Variants in GPC5 observed in about 807,000 individuals in gnomAD.
The protein encoded by GPC5 is glypican-5.
In GPC5, 47 loss-of-function variants were observed where a neutral mutation model predicts 53.9. That is an observed-to-expected ratio of 0.87 (90% CI 0.69 to 1.11). The LOEUF (loss-of-function observed/expected upper bound fraction) is 1.11, where lower values mean the gene tolerates loss of function less well. Among genes scored for constraint, GPC5 ranks in the 50% most tolerant of loss-of-function variants. GPC5 has a pLI of 0.00. For missense variants in GPC5, 748 were observed against 713.1 expected (o/e 1.05, Z -0.56); for synonymous variants, 286 against 263.3 (o/e 1.09, Z -0.84).
chr13:91,749,871 C>A (rs2037132495), intron 4 of GPC5, among the ~76,000 whole-genome samples: 1 of 152,224 alleles, frequency 6.6e-6, no homozygotes, highest in African/African-American at 2.4e-5. Flanking sequence ...AGTGCAGTGG[C>A]ACAGTCTCAG....
In GPC5 at chr13:91,763,109, C is replaced by T. The variant is rs188282987; in HGVS notation, c.1280+6689C>T. Reference sequence around the variant, plus strand: ...TCTGAGGGAATGACATTTTTATAAGCATTAGTGAGAACTAAGAGATTTAGG... The same window carrying T: ...TCTGAGGGAATGACATTTTTATAAGTATTAGTGAGAACTAAGAGATTTAGG... On this transcript the variant is annotated intron_variant, in intron 5 of 7. Transcript: ENST00000377067. Among the ~76,000 whole-genome samples, 504 of 152,196 alleles carry T rather than the reference C, an allele frequency of 3.3e-3. 2 individuals are homozygous for T. The highest frequency in any genetic ancestry group is 0.012 in the African/African-American group (478 of 41,540).
rs115375281 is a variant in GPC5, at chr13:92,310,686, T to A, written c.1561+165697T>A. On this transcript the variant is annotated intron_variant, in intron 7 of 7. Coordinates refer to ENST00000377067, the MANE Select transcript of GPC5 (RefSeq NM_004466.6). Reference sequence around the variant, plus strand: ...CCAATTGTTTAATAAAGTTTTTATTTTCTCTCATTTTCTATTTTAAAACTT... The same window carrying A: ...CCAATTGTTTAATAAAGTTTTTATTATCTCTCATTTTCTATTTTAAAACTT... 3.6e-3 allele frequency among the ~76,000 whole-genome samples: 549 copies of A among 152,302 alleles called. 4 individuals are homozygous for A. Among genetic ancestry groups the A allele is most frequent in the African/African-American group, 0.012 (519 of 41,592 alleles).
chr13:92,178,792 T>C (rs770049174), intron 7 of GPC5, among the ~76,000 whole-genome samples: 8 of 152,008 alleles, frequency 5.3e-5, no homozygotes, highest in Non-Finnish European at 7.4e-5. Flanking sequence ...CTGGTTAACA[T>C]GGTGAAACCC....
chr13:92,550,152 A>G (rs1013529780), intron 7 of GPC5, among the ~76,000 whole-genome samples: 12 of 151,852 alleles, frequency 7.9e-5, no homozygotes, highest in Admixed American at 3.9e-4. Context: ...TTCCATTTAT[A>G]TTACTTAGAT....
chr13:91,774,697 C>T (rs534647127), intron 5 of GPC5, among the ~76,000 whole-genome samples: 3 of 152,008 alleles, frequency 2.0e-5, no homozygotes, highest in African/African-American at 7.3e-5. Context: ...CCTCACACCC[C>T]CTCCCTACAC....
At chr13:92,480,832 T>C (rs1879321506) in intron 7 of GPC5, among the ~76,000 whole-genome samples, 1 of 152,140 alleles carries the variant, frequency 6.6e-6, no homozygotes, top group African/African-American at 2.4e-5. Context: ...GTGAGTTCAG[T>C]GTAGTCATAA....
intron 7 of GPC5, among the ~76,000 whole-genome samples, chr13:92,735,598 A>G (rs1179955828): frequency 6.6e-6 from 1 of 151,994 alleles, no homozygotes; most frequent in Non-Finnish European, 1.5e-5. Flanking sequence ...AGGATTCTTC[A>G]GTGAGAAAAT....
At chr13:92,166,949 C>CTA (rs1252497615) in intron 7 of GPC5, among the ~76,000 whole-genome samples, 2 of 58,284 alleles carry the variant, frequency 3.4e-5, no homozygotes, top group African/African-American at 1.2e-4. Flanking sequence ...CTCTCTCTCT[C>CTA]TCTCTCTCAC....
At chr13:91,799,807 A>T (rs1397352867) in intron 5 of GPC5, among the ~76,000 whole-genome samples, 2 of 152,200 alleles carry the variant, frequency 1.3e-5, no homozygotes, top group Non-Finnish European at 2.9e-5. Flanking sequence ...GAACAAACTC[A>T]GTTCTTTTAT....
intron 7 of GPC5, among the ~76,000 whole-genome samples, chr13:92,502,754 G>A (rs80330222): frequency 0.011 from 1,721 of 152,152 alleles, 15 homozygotes; most frequent in Non-Finnish European, 0.019. Context: ...TAGAGTTAGA[G>A]ATTTCAACAT....
intron 7 of GPC5, among the ~76,000 whole-genome samples, chr13:92,614,941 A>C (rs1197386069): frequency 2.0e-5 from 3 of 152,242 alleles, no homozygotes; most frequent in Non-Finnish European, 4.4e-5. Context: ...TATTGATGTA[A>C]GCAGCTGAAA....
At chr13:91,642,453 G>A (rs1424123601) in intron 2 of GPC5, among the ~76,000 whole-genome samples, 1 of 152,194 alleles carries the variant, frequency 6.6e-6, no homozygotes, top group Non-Finnish European at 1.5e-5. Context: ...AGTGGCTAGA[G>A]AGATACAAGG....
intron 2 of GPC5, among the ~76,000 whole-genome samples, chr13:91,491,618 A>G (rs182769484): frequency 1.3e-5 from 2 of 152,254 alleles, no homozygotes; most frequent in African/African-American, 4.8e-5. Context: ...GAAGTCCAAA[A>G]TCCAGAAGTC....
At chr13:91,509,040 G>C (rs561894389) in intron 2 of GPC5, among the ~76,000 whole-genome samples, 1 of 152,202 alleles carries the variant, frequency 6.6e-6, no homozygotes, top group Admixed American at 6.5e-5. Context: ...TGTTATAAAG[G>C]CTTTTTGAGC....
At chr13:91,628,159 A>G (rs1047373699) in intron 2 of GPC5, among the ~76,000 whole-genome samples, 3 of 152,152 alleles carry the variant, frequency 2.0e-5, no homozygotes, top group African/African-American at 4.8e-5. Context: ...ATCTACGACT[A>G]TGTATCAGCA....
At chr13:92,643,743 G>C (rs1377720673) in intron 7 of GPC5, among the ~76,000 whole-genome samples, 1 of 149,060 alleles carries the variant, frequency 6.7e-6, no homozygotes, top group Non-Finnish European at 1.5e-5. Context: ...GCGGGGAGGA[G>C]GGAGGGATAG....
intron 3 of GPC5, among the ~76,000 whole-genome samples, chr13:91,700,911 T>C (rs2035977913): frequency 6.6e-6 from 1 of 152,188 alleles, no homozygotes; most frequent in African/African-American, 2.4e-5. Flanking sequence ...CTTTTGAATT[T>C]TTCTGAAATA....
intron 7 of GPC5, among the ~76,000 whole-genome samples, chr13:92,178,715 A>G (rs1233821718): frequency 2.0e-5 from 3 of 152,216 alleles, no homozygotes; most frequent in East Asian, 3.9e-4. Context: ...GGTGGCTCAC[A>G]CCTGTAATCC....
At chr13:92,642,566 G>A (rs532527294) in intron 7 of GPC5, among the ~76,000 whole-genome samples, 5 of 152,268 alleles carry the variant, frequency 3.3e-5, no homozygotes, top group East Asian at 1.9e-4. Flanking sequence ...CTACTAAATC[G>A]TGTGAGGCCG....
Sources: gnomAD v4.1 joint callset for allele counts (sites outside exome capture counted in the v4.1 genomes callset) on GRCh38, gnomAD v4.1.1 for gene constraint, MANE v1.5 for transcripts, NCBI Gene and HGNC (gene_info 2026-07-23, HGNC 2026-07-21) for gene names.